Variants in IRGM observed in about 807,000 individuals in gnomAD.
The protein encoded by IRGM is immunity-related GTPase family M protein.
For synonymous variants in IRGM, 98 were observed against 80.6 expected, an observed-to-expected ratio of 1.22 and a Z score of -1.16; for missense variants, 288 against 219.9, an observed-to-expected ratio of 1.31 and a Z score of -1.96.
At chr5:150,877,512 C>T (rs1336239333) in intron 1 of IRGM, among the ~76,000 whole-genome samples, 1 of 152,166 alleles carries the variant, frequency 6.6e-6, no homozygotes, top group Admixed American at 6.5e-5. Flanking sequence ...TGTGGCACCT[C>T]ACCTTGTGAT....
intron 1 of IRGM, among the ~76,000 whole-genome samples, chr5:150,854,525 C>T (rs1310196824): frequency 1.3e-5 from 2 of 152,082 alleles, no homozygotes; most frequent in Non-Finnish European, 2.9e-5. Flanking sequence ...AGCTTGTTTA[C>T]CTGGGGGTGC....
intron 1 of IRGM, among the ~76,000 whole-genome samples, chr5:150,854,744 A>G (rs1164267684): frequency 6.6e-6 from 1 of 152,106 alleles, no homozygotes; most frequent in East Asian, 1.9e-4. Context: ...TTAAGATTCT[A>G]TTAGTCTTTT....
At chr5:150,869,677 G>T (rs1244544591) in intron 1 of IRGM, among the ~76,000 whole-genome samples, 3 of 152,056 alleles carry the variant, frequency 2.0e-5, no homozygotes, top group African/African-American at 7.2e-5. Context: ...TTTGTTCAGG[G>T]TTTCTATTTC....
At chr5:150,890,637 C>T (rs1440964030) in intron 3 of IRGM, among the ~76,000 whole-genome samples, 1 of 152,008 alleles carries the variant, frequency 6.6e-6, no homozygotes, top group South Asian at 2.1e-4. Context: ...GGACATTTCA[C>T]AAATGTTGAT....
chr5:150,848,481 T>G lies in IRGM; in HGVS notation c.358T>G (p.Ser120Ala). The G allele has an allele frequency of 6.4e-7, 1 of 1,551,848 alleles. No individual in the cohort carries two copies. Among genetic ancestry groups the G allele is most frequent in the South Asian group, 1.2e-5 (1 of 84,054 alleles). ...FNRYDFIMVA[S>A]AQFSMNHVML... is the part of the protein sequence containing the mutation. Reference sequence around the variant, plus strand: ...CCGGTATGACTTCATCATGGTTGCATCTGCACAATTCAGCATGAATCATGT... The same window carrying G: ...CCGGTATGACTTCATCATGGTTGCAGCTGCACAATTCAGCATGAATCATGT... The change falls in exon 2 of 2, where the codon TCT (serine) becomes GCT (alanine). Residue 120 changes from serine (S) to alanine (A), a missense_variant. Transcript: ENST00000522154.
intron 3 of IRGM, among the ~76,000 whole-genome samples, chr5:150,889,327 G>T (rs754195348): frequency 6.6e-6 from 1 of 151,948 alleles, no homozygotes; most frequent in Non-Finnish European, 1.5e-5. Context: ...GACAAGAGAA[G>T]AGAACTTGTG....
At chr5:150,879,103 G>T (rs939592764) in intron 2 of IRGM, among the ~76,000 whole-genome samples, 1 of 152,114 alleles carries the variant, frequency 6.6e-6, no homozygotes. Flanking sequence ...ATATCAGTAA[G>T]AAAAATCCAA....
intron 1 of IRGM, among the ~76,000 whole-genome samples, chr5:150,859,868 C>CA (rs1223409954): frequency 2.0e-5 from 3 of 151,780 alleles, no homozygotes; most frequent in Non-Finnish European, 4.4e-5. Flanking sequence ...TTGATCTTTT[C>CA]AAAAAAATGG....
At chr5:150,859,728 G>A (rs1754109396) in intron 1 of IRGM, among the ~76,000 whole-genome samples, 1 of 152,154 alleles carries the variant, frequency 6.6e-6, no homozygotes, top group East Asian at 1.9e-4. Flanking sequence ...GGTGTTTATA[G>A]TATTCTCTGA....
chr5:150,865,898 A>G (rs1023634152), intron 1 of IRGM, among the ~76,000 whole-genome samples: 1 of 152,158 alleles, frequency 6.6e-6, no homozygotes, highest in African/African-American at 2.4e-5. Flanking sequence ...CTGGGACCAC[A>G]GGCACGCACC....
downstream of IRGM, among the ~76,000 whole-genome samples, chr5:150,852,432 G>A (rs1753989643): frequency 6.6e-6 from 1 of 152,104 alleles, no homozygotes; most frequent in Non-Finnish European, 1.5e-5. Context: ...ACAGGGGATG[G>A]ACATTATTTC....
intron 1 of IRGM, among the ~76,000 whole-genome samples, chr5:150,858,664 AG>A (rs1481175201): frequency 1.3e-5 from 2 of 151,638 alleles, no homozygotes; most frequent in Non-Finnish European, 3.0e-5. Context: ...TTGGATTCCT[AG>A]GTATTTTATT....
At chr5:150,849,971 T>C (rs1753950577), downstream of IRGM, among the ~76,000 whole-genome samples, 1 of 152,098 alleles carries the variant, frequency 6.6e-6, no homozygotes, top group Non-Finnish European at 1.5e-5. Context: ...AACCTACCCC[T>C]CAAGTCCCAA....
chr5:150,847,556 A>G (rs1338955807), intron 1 of IRGM, 153 bp from the exon 2 acceptor site: 1 of 153,246 alleles, frequency 6.5e-6, no homozygotes, highest in Non-Finnish European at 1.5e-5. Flanking sequence ...TTGCTCCCTG[A>G]AGAAATGTGC....
chr5:150,859,567 T>C (rs1042159926), intron 1 of IRGM, among the ~76,000 whole-genome samples: 5 of 152,198 alleles, frequency 3.3e-5, no homozygotes, highest in African/African-American at 1.2e-4. Flanking sequence ...TGGACTTTTT[T>C]TGGTTGGTAA....
chr5:150,850,619 G>A (rs1202004345), downstream of IRGM, among the ~76,000 whole-genome samples: 1 of 152,126 alleles, frequency 6.6e-6, no homozygotes, highest in African/African-American at 2.4e-5. Context: ...GGAGTGCAGT[G>A]GTGCCATTAT....
At chr5:150,883,442 TAGAA>T (rs1754473652) in intron 3 of IRGM, among the ~76,000 whole-genome samples, 1 of 149,830 alleles carries the variant, frequency 6.7e-6, no homozygotes, top group Non-Finnish European at 1.5e-5. Flanking sequence ...AGACAAACAA[TAGAA>T]AGATCAAATA....
At chr5:150,871,128 T>C (rs770990814) in intron 1 of IRGM, among the ~76,000 whole-genome samples, 20 of 152,336 alleles carry the variant, frequency 1.3e-4, no homozygotes, top group Middle Eastern at 3.4e-3. Context: ...AAGCAATGGC[T>C]GTCACCCCAT....
At chr5:150,891,110 G>A (rs1375723440) in intron 3 of IRGM, among the ~76,000 whole-genome samples, 2 of 151,968 alleles carry the variant, frequency 1.3e-5, no homozygotes, top group East Asian at 1.9e-4. Context: ...GTATGGTGAA[G>A]CTCTGCTATT....
Sources: gnomAD v4.1 joint callset for allele counts (sites outside exome capture counted in the v4.1 genomes callset) on GRCh38, gnomAD v4.1.1 for gene constraint, MANE v1.5 for transcripts, NCBI Gene and HGNC (gene_info 2026-07-23, HGNC 2026-07-21) for gene names.